NRG1: variants seen among roughly 807,000 people sequenced by gnomAD.
NRG1 encodes the protein pro-neuregulin-1, membrane-bound isoform.
A neutral mutation model predicts 63.8 loss-of-function variants in NRG1; 18 were observed. The ratio of observed to expected loss-of-function variants is 0.28; its 90% CI spans 0.19 to 0.42. The LOEUF is 0.42. NRG1 is among the 10% of genes least tolerant of loss of function. The pLI is 1.00. For synonymous variants in NRG1, 302 were observed against 301.3 expected (o/e 1.00, Z -0.02); for missense variants, 762 against 814.7 (o/e 0.94, Z 0.79).
chr8:32,112,447 G>C (rs1031489348), intron 1 of NRG1, among the ~76,000 whole-genome samples: 1 of 152,164 alleles, frequency 6.6e-6, no homozygotes, highest in African/African-American at 2.4e-5. Context: ...AGTAAGAGTT[G>C]ATAAGAGAAT....
At chr8:32,415,081 T>G (rs1034143898) in intron 1 of NRG1, among the ~76,000 whole-genome samples, 2 of 152,140 alleles carry the variant, frequency 1.3e-5, no homozygotes, top group Non-Finnish European at 2.9e-5. Context: ...ATCTATTTTC[T>G]GTAGTGTATT....
At chr8:31,727,922 G>A (rs1813611029) in intron 1 of NRG1, among the ~76,000 whole-genome samples, 2 of 152,140 alleles carry the variant, frequency 1.3e-5, no homozygotes, top group African/African-American at 4.8e-5. Flanking sequence ...TTGTACAAGA[G>A]CACTAGGATA....
chr8:32,684,259 G>A (rs1809485996), intron 5 of NRG1, among the ~76,000 whole-genome samples: 2 of 152,094 alleles, frequency 1.3e-5, no homozygotes, highest in African/African-American at 2.4e-5. Flanking sequence ...ATTTTGTCAG[G>A]CTTATACTCA....
intron 1 of NRG1, among the ~76,000 whole-genome samples, chr8:32,176,621 A>G (rs914058388): frequency 4.9e-4 from 75 of 152,248 alleles, no homozygotes; most frequent in Non-Finnish European, 1.8e-4. Context: ...GAACTCAAAC[A>G]AATTTACAAG....
intron 1 of NRG1, among the ~76,000 whole-genome samples, chr8:31,830,157 G>A (rs922262101): frequency 2.0e-5 from 3 of 152,058 alleles, no homozygotes; most frequent in South Asian, 2.1e-4. Context: ...TGACAAATGA[G>A]TAGTTACCAA....
At chr8:32,356,941 G>T (rs1587024153) in intron 1 of NRG1, among the ~76,000 whole-genome samples, 1 of 152,216 alleles carries the variant, frequency 6.6e-6, no homozygotes, top group Non-Finnish European at 1.5e-5. Flanking sequence ...AAGGGGAAAG[G>T]TCTGTTGGTG....
intron 1 of NRG1, among the ~76,000 whole-genome samples, chr8:32,378,719 G>A (rs1809951348): frequency 6.6e-6 from 1 of 152,096 alleles, no homozygotes; most frequent in African/African-American, 2.4e-5. Flanking sequence ...GCTTCACCCA[G>A]TAACTCGTCA....
At chr8:32,432,719 CT>C (rs1818297037) in intron 1 of NRG1, among the ~76,000 whole-genome samples, 1 of 151,918 alleles carries the variant, frequency 6.6e-6, no homozygotes, top group Admixed American at 6.6e-5. Context: ...TCTCGAACTC[CT>C]TTTACTCAAG....
At chr8:32,429,009 T>G (rs1445264417) in intron 1 of NRG1, among the ~76,000 whole-genome samples, 1 of 152,150 alleles carries the variant, frequency 6.6e-6, no homozygotes, top group Non-Finnish European at 1.5e-5. Context: ...TTCCACTCCA[T>G]GTGTTAGGTT....
intron 1 of NRG1, among the ~76,000 whole-genome samples, chr8:32,292,576 C>G (rs531655077): frequency 1.3e-5 from 2 of 152,312 alleles, no homozygotes; most frequent in South Asian, 4.1e-4. Context: ...CTCTTGCTCT[C>G]TCTCTCTGTT....
intron 1 of NRG1, among the ~76,000 whole-genome samples, chr8:32,503,623 T>C (rs1047939535): frequency 6.6e-6 from 1 of 152,146 alleles, no homozygotes; most frequent in South Asian, 2.1e-4. Flanking sequence ...AAAATGTATA[T>C]TTCATGTTGA....
chr8:32,258,336 A>G (rs1005145025), intron 1 of NRG1, among the ~76,000 whole-genome samples: 1 of 152,208 alleles, frequency 6.6e-6, no homozygotes, highest in Non-Finnish European at 1.5e-5. Context: ...TGATCTTTAT[A>G]TAGTGTTTAT....
Position 32,071,698 on chromosome 8 carries a change from G to A in NRG1, c.37+432267G>A, listed in dbSNP as rs181990475. 2.0e-4 allele frequency among the ~76,000 whole-genome samples: 30 copies of A among 152,288 alleles called. No individual in the cohort carries two copies. In the East Asian group the frequency reaches 5.6e-3, roughly 28 times the overall value. ...TATTTTTGAAAACTACCTGCAGTGA[G>A]AAAGAATTCTCAAGCAGGTGCAGTG... On this transcript the variant is annotated intron_variant, in intron 1 of 10. Coordinates refer to the NRG1 transcript ENST00000519301.
intron 5 of NRG1, among the ~76,000 whole-genome samples, chr8:32,625,839 GCT>G (rs1849158084): frequency 6.7e-6 from 1 of 148,352 alleles, no homozygotes; most frequent in Non-Finnish European, 1.5e-5. Context: ...CCGTCGTCAG[GCT>G]GGAGTGCAGT....
intron 1 of NRG1, among the ~76,000 whole-genome samples, chr8:32,204,552 A>C (rs910211214): frequency 6.6e-6 from 1 of 152,212 alleles, no homozygotes; most frequent in Admixed American, 6.5e-5. Flanking sequence ...TAGTCCCCTC[A>C]TTTGCAAAGT....
chr8:31,751,568 T>C (rs528747855), intron 1 of NRG1, among the ~76,000 whole-genome samples: 1 of 152,100 alleles, frequency 6.6e-6, no homozygotes, highest in South Asian at 2.1e-4. Flanking sequence ...TTTTAAGCAA[T>C]GGGAAGCTTG....
intron 10 of NRG1, 112 bp from the exon 11 acceptor site, chr8:32,760,088 C>T (rs1008213831): frequency 2.5e-5 from 30 of 1,196,184 alleles, no homozygotes; most frequent in African/African-American, 6.1e-5. Context: ...CAGTGAGCTC[C>T]GGGTGCATCA....
intron 1 of NRG1, among the ~76,000 whole-genome samples, chr8:32,267,389 A>G (rs1851089077): frequency 6.6e-6 from 1 of 152,238 alleles, no homozygotes; most frequent in Non-Finnish European, 1.5e-5. Flanking sequence ...CAGTTGGCAC[A>G]AGTCAACTTT....
At chr8:32,541,386 A>G (rs904813127) in intron 1 of NRG1, among the ~76,000 whole-genome samples, 3 of 151,964 alleles carry the variant, frequency 2.0e-5, no homozygotes, top group Non-Finnish European at 2.9e-5. Flanking sequence ...ACAGAATATG[A>G]TGGGTCCGTG....
Sources: gnomAD v4.1 joint callset for allele counts (sites outside exome capture counted in the v4.1 genomes callset) on GRCh38, gnomAD v4.1.1 for gene constraint, MANE v1.5 for transcripts, NCBI Gene and HGNC (gene_info 2026-07-23, HGNC 2026-07-21) for gene names.